SFXN2: variants seen among roughly 807,000 people sequenced by gnomAD.
SFXN2 encodes the protein sideroflexin 2.
In SFXN2, 37 loss-of-function variants were observed where a neutral mutation model predicts 41.9. The observed-to-expected ratio is 0.88, with a 90% CI of 0.68 to 1.16. The LOEUF (loss-of-function observed/expected upper bound fraction) is 1.16, where lower values mean the gene tolerates loss of function less well. SFXN2 is among the 50% of genes most tolerant of loss of function. The pLI, the probability that SFXN2 is intolerant of heterozygous loss-of-function variation, is 0.00. For synonymous variants in SFXN2, 150 were observed against 156.7 expected (o/e 0.96, Z 0.32); for missense variants, 386 against 425.2 (o/e 0.91, Z 0.81).
chr10:102,733,186 C>T (rs193203703), intron 9 of SFXN2, among the ~76,000 whole-genome samples: 238 of 152,274 alleles, frequency 1.6e-3, no homozygotes, highest in Middle Eastern at 6.8e-3. Flanking sequence ...CTCGCTCTGT[C>T]GCCCAGGCTG....
rs1041509684 is a variant in SFXN2 at position 102,742,434 on chromosome 10, T to C, written c.*4672T>C. 5 of 152,258 alleles carry C rather than the reference T, an allele frequency of 3.3e-5. No homozygotes were observed. The highest frequency in any genetic ancestry group is 7.3e-5 in the African/African-American group (3 of 41,208). 9.4% of individuals were successfully genotyped at this position (152,258 alleles called of 1,614,324 possible). Reference sequence around the variant, plus strand: ...CCTCGGCCTCCCAAAGTGCTGGGATTACAGGCAGGAGCCACCGCACCTGGC... The same window carrying C: ...CCTCGGCCTCCCAAAGTGCTGGGATCACAGGCAGGAGCCACCGCACCTGGC... On this transcript the variant is annotated 3_prime_UTR_variant, in exon 12 of 12. Coordinates refer to ENST00000369893, the MANE Select transcript of SFXN2 (RefSeq NM_178858.6).
At position 102,737,863 on chromosome 10, in the gene SFXN2, GA is replaced by G; in HGVS notation, c.*103del. The G allele has an allele frequency of 1.3e-6, 1 of 777,108 alleles. No homozygotes were observed. Among genetic ancestry groups the G allele is most frequent in the East Asian group, 2.6e-5 (1 of 37,896 alleles). The allele number at this position is 777,108 out of a possible 1,614,324, so 48.1% of individuals were successfully genotyped here. The stretch of plus-strand genomic sequence containing the variant: ...TCCTTCCCCTTTGCCAACAAGGCCT[GA>G]AGGCCAGGGTAGATTGGGGGGTGGG... On this transcript the variant is annotated 3_prime_UTR_variant, in exon 12 of 12. Transcript: ENST00000369893.
chr10:102,731,947 C>T (rs1338435107), intron 7 of SFXN2, among the ~76,000 whole-genome samples, 164 bp downstream of exon 7: 3 of 152,136 alleles, frequency 2.0e-5, no homozygotes, highest in African/African-American at 7.2e-5. Flanking sequence ...TCAGAACAGG[C>T]CCCTTCTCTC....
intron 8 of SFXN2, 88 bp from the exon 9 acceptor site, chr10:102,732,771 G>T: frequency 2.2e-6 from 3 of 1,373,730 alleles, no homozygotes; most frequent in Non-Finnish European, 2.1e-6. Context: ...GAAGGAGAGG[G>T]AACCACTTGG....
In SFXN2 at chr10:102,737,866, G is replaced by C; in HGVS notation, c.*104G>C. 1.3e-6 allele frequency: 1 copy of C among 750,962 alleles called. No homozygotes were observed. The highest frequency in any genetic ancestry group is 2.7e-5 in the East Asian group (1 of 37,306). The allele number at this position is 750,962 out of a possible 1,614,324, so 46.5% of individuals were successfully genotyped here. On this transcript the variant is annotated 3_prime_UTR_variant, in exon 12 of 12. Transcript: ENST00000369893. The stretch of plus-strand genomic sequence containing the variant: ...TTCCCCTTTGCCAACAAGGCCTGAA[G>C]GCCAGGGTAGATTGGGGGGTGGGAC...
At chr10:102,721,770 G>A (rs1231580872) in intron 1 of SFXN2, among the ~76,000 whole-genome samples, 4 of 152,122 alleles carry the variant, frequency 2.6e-5, no homozygotes, top group South Asian at 4.2e-4. Context: ...CAGGCAGATT[G>A]CTTGAGCTCA....
rs2064599790 is a variant in SFXN2, at chr10:102,726,711, G to A, written c.75G>A (p.Lys25=). 1.2e-6 allele frequency: 2 copies of A among 1,614,200 alleles called. No homozygotes were observed. Among genetic ancestry groups the A allele is most frequent in the Admixed American group, 1.7e-5 (1 of 60,016 alleles). ...AGCGCACCTTCCTGGGGAGAGTGAA[G>A]CACTTCCTAAACATCACGGACCCCC... ...WDQRTFLGRV[K]HFLNITDPRT... The change falls in exon 2 of 12, where the codon AAG becomes AAA. Residue 25 remains lysine (K), a synonymous_variant. Coordinates refer to ENST00000369893, the MANE Select transcript of SFXN2 (RefSeq NM_178858.6).
chr10:102,724,554 T>C (rs1449352391), intron 1 of SFXN2, among the ~76,000 whole-genome samples: 1 of 152,016 alleles, frequency 6.6e-6, no homozygotes, highest in Non-Finnish European at 1.5e-5. Flanking sequence ...ATACAAAAAA[T>C]AGCTGGGCAT....
intron 1 of SFXN2, among the ~76,000 whole-genome samples, chr10:102,721,264 C>T (rs1321408936): frequency 1.3e-5 from 2 of 151,758 alleles, no homozygotes; most frequent in African/African-American, 4.8e-5. Context: ...CCTGTAATCC[C>T]AGCACTTAGG....
At chr10:102,726,002 T>G (rs933076295) in intron 1 of SFXN2, among the ~76,000 whole-genome samples, 1 of 152,102 alleles carries the variant, frequency 6.6e-6, no homozygotes, top group African/African-American at 2.4e-5. Context: ...CAGGCTGGAG[T>G]GCAGTGGTGT....
At chr10:102,728,565 C>A in intron 4 of SFXN2, 36 bp downstream of exon 4, 1 of 1,576,544 alleles carries the variant, frequency 6.3e-7, no homozygotes, top group Non-Finnish European at 8.7e-7. Flanking sequence ...CCTCGTGTCT[C>A]CCCACGAACA....
intron 1 of SFXN2, among the ~76,000 whole-genome samples, chr10:102,718,554 G>A (rs1353356321): frequency 6.6e-6 from 1 of 152,252 alleles, no homozygotes; most frequent in African/African-American, 2.4e-5. Flanking sequence ...TGTTTTGGCA[G>A]TGGACTCTTT....
rs200250986 is a variant in SFXN2 at position 102,727,052 on chromosome 10, C to T, written c.227C>T (p.Ser76Leu). ...QLLYAKKLYD[S>L]AFHPDTGEKM... Reference sequence around the variant, plus strand: ...CTGTATGCCAAGAAGCTGTATGACTCGGCCTTCCACCCCGACACTGGGGAG... The same window carrying T: ...CTGTATGCCAAGAAGCTGTATGACTTGGCCTTCCACCCCGACACTGGGGAG... The change falls in exon 3 of 12, where the codon TCG becomes TTG. Residue 76 changes from serine to leucine, a missense_variant. By Grantham distance (145) the Ser-to-Leu change is moderately radical. Coordinates refer to ENST00000369893, the MANE Select transcript of SFXN2 (RefSeq NM_178858.6). 91 of 1,610,098 alleles carry T rather than the reference C, an allele frequency of 5.7e-5. No individual in the cohort carries two copies. In the South Asian group the frequency reaches 6.3e-4, roughly 11 times the overall value.
At chr10:102,729,684 C>T (rs1378678511) in intron 5 of SFXN2, 39 bp from the exon 6 acceptor site, 8 of 1,593,756 alleles carry the variant, frequency 5.0e-6, no homozygotes, top group Admixed American at 3.4e-5. Context: ...CATCTTCCAG[C>T]GCTTCTGAAC....
rs1842774750 is a variant in SFXN2 at position 102,740,864 on chromosome 10, G to A, written c.*3102G>A. The A allele has an allele frequency of 6.6e-6, 1 of 152,184 alleles. No individual in the cohort carries two copies. The highest frequency in any genetic ancestry group is 1.5e-5 in the Non-Finnish European group (1 of 68,036). The allele number at this position is 152,184 out of a possible 1,614,324, so 9.4% of individuals were successfully genotyped here. A position where few individuals can be genotyped will look rare whatever the true frequency, so the allele number is the denominator to read the frequency against. On this transcript the variant is annotated 3_prime_UTR_variant, in exon 12 of 12. Coordinates refer to ENST00000369893, the MANE Select transcript of SFXN2 (RefSeq NM_178858.6). ...AAGGGAAACATTACCAGAGCCAGTA[G>A]AGCTTGGAAACAACTCCTGACTGAT...
intron 10 of SFXN2, 96 bp from the exon 11 acceptor site, chr10:102,735,766 C>T (rs915554778): frequency 1.5e-5 from 19 of 1,279,486 alleles, no homozygotes; most frequent in African/African-American, 5.9e-5. Context: ...GAAGGCAGGC[C>T]AGGTGCCTGG....
At position 102,731,744 on chromosome 10, in the gene SFXN2, C is replaced by T; in HGVS notation, c.615C>T (p.Cys205=). ...MRQQELIKGI[C]VKDRNENEIG... Reference sequence around the variant, plus strand: ...TTAGGGAGCTCATAAAGGGAATCTGCGTGAAGGACAGGAATGAAAATGAGA... The same window carrying T: ...TTAGGGAGCTCATAAAGGGAATCTGTGTGAAGGACAGGAATGAAAATGAGA... The change falls in exon 7 of 12, where the codon TGC becomes TGT. Residue 205 remains cysteine, a synonymous_variant. Coordinates refer to ENST00000369893, the MANE Select transcript of SFXN2 (RefSeq NM_178858.6). The T allele has an allele frequency of 2.5e-6, 4 of 1,613,812 alleles. No individual in the cohort carries two copies. The highest frequency in any genetic ancestry group is 2.2e-5 in the East Asian group (1 of 44,878).
At chr10:102,729,156 G>T (rs1306354916) in intron 4 of SFXN2, among the ~76,000 whole-genome samples, 163 bp from the exon 5 acceptor site, 1 of 152,216 alleles carries the variant, frequency 6.6e-6, no homozygotes, top group African/African-American at 2.4e-5. Context: ...AAGGGGGCTG[G>T]AGCACTGTGA....
At chr10:102,722,050 G>A (rs145849573) in intron 1 of SFXN2, among the ~76,000 whole-genome samples, 1 of 152,072 alleles carries the variant, frequency 6.6e-6, no homozygotes, top group African/African-American at 2.4e-5. Context: ...CCTGCATCCC[G>A]TGAGGTCCAT....
Sources: allele counts gnomAD v4.1 joint callset (sites outside exome capture counted in the v4.1 genomes callset), GRCh38; gene constraint gnomAD v4.1.1; transcripts MANE v1.5; gene names NCBI Gene and HGNC (gene_info 2026-07-23, HGNC 2026-07-21).